The following CLSTN1 variants were observed in gnomAD, a reference collection of about 807,000 sequenced individuals.
CLSTN1 encodes calsyntenin-1.
CLSTN1 carries 28 observed loss-of-function variants against 108.3 expected under a neutral mutation model. The observed-to-expected ratio is 0.26, with a 90% CI of 0.19 to 0.35. The LOEUF (loss-of-function observed/expected upper bound fraction) is 0.35. CLSTN1 is among the 10% of genes least tolerant of loss of function. The pLI, the probability that CLSTN1 is intolerant of heterozygous loss-of-function variation, is 1.00. For missense variants in CLSTN1, 1,157 were observed against 1,302.6 expected (o/e 0.89, Z 1.72); for synonymous variants, 524 against 534.9 (o/e 0.98, Z 0.28).
chr1:9,775,486 C>T (rs1226832306), intron 1 of CLSTN1, among the ~76,000 whole-genome samples: 1 of 152,020 alleles, frequency 6.6e-6, no homozygotes, highest in Non-Finnish European at 1.5e-5. Flanking sequence ...GTCTGCTTTG[C>T]TTTGCCTGGG....
intron 1 of CLSTN1, among the ~76,000 whole-genome samples, chr1:9,785,044 T>G (rs1175101752): frequency 6.7e-6 from 1 of 149,882 alleles, no homozygotes; most frequent in Admixed American, 6.7e-5. Context: ...CAGGCTGAAG[T>G]GAAATAAAAC....
intron 9 of CLSTN1, 107 bp from the exon 10 acceptor site, chr1:9,741,363 G>C: frequency 8.8e-7 from 1 of 1,133,562 alleles, no homozygotes; most frequent in Non-Finnish European, 1.3e-6. Flanking sequence ...AGGAGGAAAA[G>C]GATGAAAAAA....
chr1:9,814,256 A>G (rs1031672878), intron 1 of CLSTN1, among the ~76,000 whole-genome samples: 4 of 151,704 alleles, frequency 2.6e-5, no homozygotes, highest in African/African-American at 4.8e-5. Flanking sequence ...CCAAAAAAAA[A>G]AAAAAAAAAG....
chr1:9,793,372 C>G (rs1653852963), intron 1 of CLSTN1, among the ~76,000 whole-genome samples: 1 of 151,426 alleles, frequency 6.6e-6, no homozygotes, highest in South Asian at 2.2e-4. Context: ...AGAGCACGCC[C>G]CCATCCATCC....
rs751705368 is a variant in CLSTN1 at position 9,731,302 on chromosome 1, G to A, written c.2652C>T (p.Ala884=). 1.2e-5 allele frequency: 19 copies of A among 1,614,118 alleles called. No homozygotes were observed. The highest frequency in any genetic ancestry group is 3.3e-5 in the Admixed American group (2 of 59,996). The part of the protein sequence containing the change: ...MIILGVFRIR[A]AHRRTMRDQD... ...GATCCCGCATGGTCCGCCGATGTGC[G>A]GCCCGGATCCGAAATACCCCCAGGA... The change falls in exon 18 of 19, where the codon GCC becomes GCT. Residue 884 remains alanine (A), a synonymous_variant. Transcript: ENST00000377298.
intron 2 of CLSTN1, among the ~76,000 whole-genome samples, chr1:9,759,528 C>A (rs541237653): frequency 6.6e-6 from 1 of 152,224 alleles, no homozygotes; most frequent in Admixed American, 6.5e-5. Flanking sequence ...ATGATCCGCC[C>A]GCCTCGGCCT....
At chr1:9,748,755 G>T (rs369403274) in intron 7 of CLSTN1, among the ~76,000 whole-genome samples, 1 of 150,286 alleles carries the variant, frequency 6.7e-6, no homozygotes, top group Non-Finnish European at 1.5e-5. Context: ...TCCCAAAGTG[G>T]TAAGATTATA....
intron 1 of CLSTN1, among the ~76,000 whole-genome samples, chr1:9,775,890 G>T (rs938742440): frequency 6.6e-6 from 1 of 152,100 alleles, no homozygotes; most frequent in Non-Finnish European, 1.5e-5. Flanking sequence ...CAGGGAGGGG[G>T]GTCACGCTCA....
Position 9,791,538 on chromosome 1 carries a change from T to TC in CLSTN1, c.92-18145dup, listed in dbSNP as rs140382669. On this transcript the variant is annotated intron_variant, in intron 1 of 18. Transcript: ENST00000377298. Reference sequence around the variant, plus strand: ...AGTGAGCCACCATGCCCGGCCCAAATCCTTTTTTTTTGAGATGGAGTCTCG... The same window carrying TC: ...AGTGAGCCACCATGCCCGGCCCAAATCCCTTTTTTTTTGAGATGGAGTCTCG... Among the ~76,000 whole-genome samples the TC allele has an allele frequency of 8.8e-3, 1,284 of 146,492 alleles. 25 individuals carry two copies. Among genetic ancestry groups the TC allele is most frequent in the African/African-American group, 0.029 (1,168 of 39,676 alleles).
intron 4 of CLSTN1, among the ~76,000 whole-genome samples, chr1:9,754,490 C>T (rs751965755): frequency 1.3e-5 from 2 of 152,012 alleles, no homozygotes; most frequent in Admixed American, 6.6e-5. Flanking sequence ...AACCGGAAGG[C>T]GGAGGTTCCA....
chr1:9,801,668 C>A (rs1025848134), intron 1 of CLSTN1, among the ~76,000 whole-genome samples: 3 of 152,276 alleles, frequency 2.0e-5, no homozygotes, highest in African/African-American at 4.8e-5. Flanking sequence ...GATTCTCCTG[C>A]CTCAGCCTCC....
chr1:9,745,178 G>A (rs1386248631), intron 7 of CLSTN1, among the ~76,000 whole-genome samples: 2 of 147,936 alleles, frequency 1.4e-5, no homozygotes, highest in Admixed American at 6.8e-5. Context: ...GCAGTGAGCC[G>A]AGATCGCACC....
rs901104565 is a variant in CLSTN1 at position 9,796,119 on chromosome 1, G to A, written c.92-22725C>T. 5.3e-5 allele frequency among the ~76,000 whole-genome samples: 8 copies of A among 150,682 alleles called. No individual in the cohort carries two copies. In the East Asian group the frequency reaches 1.4e-3, roughly 27 times the overall value. On this transcript the variant is annotated intron_variant, in intron 1 of 18. Transcript: ENST00000377298. ...TCTACTAAACACAGAAAAATTAGCT[G>A]GGCGTGGTGGTGGGCGCCTGTAATC...
At chr1:9,805,540 T>C (rs933877062) in intron 1 of CLSTN1, among the ~76,000 whole-genome samples, 1 of 152,182 alleles carries the variant, frequency 6.6e-6, no homozygotes, top group African/African-American at 2.4e-5. Context: ...AAGTTGTTTC[T>C]GGTTTTTGGA....
intron 1 of CLSTN1, among the ~76,000 whole-genome samples, chr1:9,792,276 T>C (rs1005636001): frequency 1.3e-5 from 2 of 151,368 alleles, no homozygotes; most frequent in Non-Finnish European, 2.9e-5. Context: ...AATGCCGGTA[T>C]TCCACACTGA....
Position 9,786,351 on chromosome 1 carries a change from G to A in CLSTN1, c.92-12957C>T, listed in dbSNP as rs376370459. Among the ~76,000 whole-genome samples the A allele has an allele frequency of 4.6e-5, 7 of 151,964 alleles. No individual in the cohort carries two copies. The East Asian group carries it at 9.8e-4, about 21-fold the overall frequency. Reference sequence around the variant, plus strand: ...GTTACACACAATGCAGCTGTTCTACGAAAGGTGAGGCTGGGCGCGGTGGCT... The same window carrying A: ...GTTACACACAATGCAGCTGTTCTACAAAAGGTGAGGCTGGGCGCGGTGGCT... On this transcript the variant is annotated intron_variant, in intron 1 of 18. Coordinates refer to ENST00000377298, the MANE Select transcript of CLSTN1 (RefSeq NM_001009566.3).
intron 1 of CLSTN1, among the ~76,000 whole-genome samples, chr1:9,805,400 T>C (rs1654462260): frequency 6.6e-6 from 1 of 152,190 alleles, no homozygotes. Context: ...CTTTCCCAAC[T>C]ATATCTGTGT....
chr1:9,763,387 T>A (rs989272966), intron 2 of CLSTN1, among the ~76,000 whole-genome samples: 2 of 152,212 alleles, frequency 1.3e-5, no homozygotes, highest in Non-Finnish European at 2.9e-5. Flanking sequence ...TGACGCTTGT[T>A]AAAAATGTGG....
intron 1 of CLSTN1, among the ~76,000 whole-genome samples, chr1:9,803,824 AT>A (rs912953844): frequency 1.1e-4 from 16 of 152,068 alleles, no homozygotes; most frequent in African/African-American, 3.4e-4. Context: ...ATAAAATTAA[AT>A]TTTTTTTAAA....
Sources: gnomAD v4.1 joint callset for allele counts (sites outside exome capture counted in the v4.1 genomes callset) on GRCh38, gnomAD v4.1.1 for gene constraint, MANE v1.5 for transcripts, NCBI Gene and HGNC (gene_info 2026-07-23, HGNC 2026-07-21) for gene names.